HIVEP3: variants seen among roughly 807,000 people sequenced by gnomAD.
The protein encoded by HIVEP3 is transcription factor HIVEP3.
Under a neutral mutation model 152.8 loss-of-function variants are expected in HIVEP3, and 49 were observed. That is an observed-to-expected ratio of 0.32 (90% CI 0.26 to 0.41). HIVEP3 has a LOEUF of 0.41. Among genes scored for constraint, HIVEP3 ranks in the 10% least tolerant of loss-of-function variants. The pLI is 1.00. For missense variants in HIVEP3, 2,790 were observed against 3,103.3 expected (o/e 0.90, Z 2.40); for synonymous variants, 1,269 against 1,289.0 (o/e 0.98, Z 0.33).
intron 1 of HIVEP3, among the ~76,000 whole-genome samples, chr1:41,913,932 C>T (rs1644833497): frequency 6.6e-6 from 1 of 152,164 alleles, no homozygotes; most frequent in African/African-American, 2.4e-5. Flanking sequence ...CAAGGGTCCA[C>T]CGATGCTCAG....
At chr1:41,732,751 G>T (rs2124189447) in intron 1 of HIVEP3, among the ~76,000 whole-genome samples, 1 of 152,222 alleles carries the variant, frequency 6.6e-6, no homozygotes, top group South Asian at 2.1e-4. Flanking sequence ...TATCCCCGAG[G>T]ACAAGGCCTG....
chr1:42,034,881 G>A (rs1021810811), intron 1 of HIVEP3, among the ~76,000 whole-genome samples: 3 of 152,064 alleles, frequency 2.0e-5, no homozygotes, highest in African/African-American at 7.2e-5. Flanking sequence ...CACAATCAGC[G>A]GGAGGCAGAG....
intron 3 of HIVEP3, among the ~76,000 whole-genome samples, chr1:41,624,474 T>C (rs1255659288): frequency 6.6e-6 from 1 of 152,190 alleles, no homozygotes; most frequent in Non-Finnish European, 1.5e-5. Flanking sequence ...GATGAAGGTC[T>C]GGGTAGATCT....
At chr1:41,566,467 C>T (rs1295169702) in intron 5 of HIVEP3, among the ~76,000 whole-genome samples, 1 of 152,218 alleles carries the variant, frequency 6.6e-6, no homozygotes, top group African/African-American at 2.4e-5. Context: ...TTCCTTGCAG[C>T]AAACACACAT....
At chr1:41,518,648 C>T (rs187346881) in intron 6 of HIVEP3, among the ~76,000 whole-genome samples, 160 bp from the exon 7 acceptor site, 191 of 152,280 alleles carry the variant, frequency 1.3e-3, no homozygotes, top group African/African-American at 4.5e-3. Flanking sequence ...TATCCCTCTG[C>T]CCCGGTGCTC....
At chr1:41,948,526 C>A (rs1017190692) in intron 1 of HIVEP3, among the ~76,000 whole-genome samples, 1 of 114,672 alleles carries the variant, frequency 8.7e-6, no homozygotes, top group African/African-American at 3.4e-5. Flanking sequence ...AACTGCCAAG[C>A]GGATATTGAA....
intron 1 of HIVEP3, among the ~76,000 whole-genome samples, chr1:41,753,188 G>A (rs1432706270): frequency 6.6e-6 from 1 of 151,920 alleles, no homozygotes; most frequent in African/African-American, 2.4e-5. Flanking sequence ...ACACATTTCT[G>A]GTAAGTATGG....
intron 2 of HIVEP3, among the ~76,000 whole-genome samples, chr1:41,670,570 C>T (rs1007085244): frequency 2.0e-5 from 3 of 152,128 alleles, no homozygotes; most frequent in African/African-American, 7.2e-5. Context: ...AGACAGTAAA[C>T]AAGAAACAGA....
chr1:41,655,945 C>A (rs1373123133), intron 2 of HIVEP3, among the ~76,000 whole-genome samples: 2 of 152,148 alleles, frequency 1.3e-5, no homozygotes. Flanking sequence ...CTCTTTACAC[C>A]CAAACATACT....
At chr1:41,788,565 C>A (rs1415692942) in intron 1 of HIVEP3, among the ~76,000 whole-genome samples, 1 of 152,112 alleles carries the variant, frequency 6.6e-6, no homozygotes, top group Non-Finnish European at 1.5e-5. Flanking sequence ...CACTCTGGGA[C>A]CCGGGCAAGC....
chr1:41,649,197 T>C (rs908437069), intron 2 of HIVEP3, among the ~76,000 whole-genome samples: 4 of 152,050 alleles, frequency 2.6e-5, no homozygotes, highest in East Asian at 1.9e-4. Context: ...CTTGACTTCA[T>C]TGAGTCTTAC....
At chr1:41,786,861 T>C (rs1354407357) in intron 1 of HIVEP3, among the ~76,000 whole-genome samples, 1 of 151,914 alleles carries the variant, frequency 6.6e-6, no homozygotes, top group Non-Finnish European at 1.5e-5. Flanking sequence ...AAGCGATTCT[T>C]GTGCCTCAGA....
chr1:42,030,037 T>C (rs755366495), intron 1 of HIVEP3, among the ~76,000 whole-genome samples: 2 of 152,146 alleles, frequency 1.3e-5, no homozygotes, highest in Non-Finnish European at 2.9e-5. Context: ...CTGGAAATAC[T>C]GCCTTTCTCC....
At chr1:41,630,034 A>G (rs1004338572) in intron 2 of HIVEP3, among the ~76,000 whole-genome samples, 1 of 152,250 alleles carries the variant, frequency 6.6e-6, no homozygotes, top group African/African-American at 2.4e-5. Flanking sequence ...CTACATGCCC[A>G]TGAGTGGTGG....
chr1:41,898,931 A>G (rs1644576455), intron 1 of HIVEP3, among the ~76,000 whole-genome samples: 1 of 152,204 alleles, frequency 6.6e-6, no homozygotes. Context: ...TAATACACCA[A>G]TTGCTCCCTC....
intron 1 of HIVEP3, among the ~76,000 whole-genome samples, chr1:41,908,821 A>T (rs1327387): frequency 0.54 from 82,150 of 152,030 alleles, 22,543 homozygotes; most frequent in East Asian, 0.71. Context: ...CTTGAAGACA[A>T]TAGCCAACAA....
intron 1 of HIVEP3, among the ~76,000 whole-genome samples, chr1:41,773,741 C>T (rs1327123759): frequency 2.0e-5 from 3 of 152,190 alleles, no homozygotes; most frequent in African/African-American, 7.2e-5. Flanking sequence ...CCCGAGGTTG[C>T]CTGGTGATGC....
At chr1:41,659,471 C>T (rs1645679051) in intron 2 of HIVEP3, among the ~76,000 whole-genome samples, 1 of 152,180 alleles carries the variant, frequency 6.6e-6, no homozygotes, top group Non-Finnish European at 1.5e-5. Context: ...CTGCTGTAGT[C>T]CCTAGAATGG....
intron 1 of HIVEP3, among the ~76,000 whole-genome samples, chr1:41,721,366 C>T (rs1570395095): frequency 6.6e-6 from 1 of 152,032 alleles, no homozygotes; most frequent in African/African-American, 2.4e-5. Flanking sequence ...CCACCGCGCT[C>T]GACTAATTTT....
Sources: allele counts gnomAD v4.1 joint callset (sites outside exome capture counted in the v4.1 genomes callset), GRCh38; gene constraint gnomAD v4.1.1; transcripts MANE v1.5; gene names NCBI Gene and HGNC (gene_info 2026-07-23, HGNC 2026-07-21).